Variants in PCNT observed in about 807,000 individuals in gnomAD.
The protein encoded by PCNT is kendrin.
Under a neutral mutation model 380.4 loss-of-function variants are expected in PCNT, and 319 were observed. The observed-to-expected ratio is 0.84, with a 90% confidence interval of 0.77 to 0.92. The LOEUF (loss-of-function observed/expected upper bound fraction) is 0.92. Ranked by LOEUF, PCNT falls within the 40% of genes least tolerant of loss-of-function variation. The probability of loss-of-function intolerance (pLI) is 0.00; values close to 1 mark genes in which losing one functional copy is unlikely to be tolerated. For missense variants in PCNT, 4,400 were observed against 4,255.3 expected (o/e 1.03, Z -0.95); for synonymous variants, 1,845 against 1,735.2 (o/e 1.06, Z -1.57).
At position 46,366,743 on chromosome 21, in the gene PCNT, C is replaced by T. The variant is rs936231247; in HGVS notation, c.2769C>T (p.His923=). 4.3e-6 allele frequency: 7 copies of T among 1,613,602 alleles called. No homozygotes were observed. Among genetic ancestry groups the T allele is most frequent in the Non-Finnish European group, 5.1e-6 (6 of 1,180,044 alleles). The change falls in exon 15 of 47, where the codon CAC becomes CAT. Residue 923 remains histidine (H), a synonymous_variant. Transcript: ENST00000359568. ...TGACGGCGGAGCTCGAGGCCAGACA[C>T]CAGGCCGCGTTGGGCGAGCTGACAG... ...LSVTAELEAR[H]QAALGELTAS... is the part of the protein sequence containing the mutation.
intron 8 of PCNT, among the ~76,000 whole-genome samples, chr21:46,350,164 G>A (rs1326926107): frequency 2.0e-5 from 3 of 152,088 alleles, no homozygotes; most frequent in East Asian, 1.9e-4. Flanking sequence ...GGGCAACAGC[G>A]AGCCTCCGTC....
intron 2 of PCNT, among the ~76,000 whole-genome samples, chr21:46,329,971 G>T (rs138727356): frequency 1.3e-5 from 2 of 152,256 alleles, no homozygotes; most frequent in African/African-American, 4.8e-5. Context: ...CATCAGCAGA[G>T]ACATACCTCC....
chr21:46,365,587 GATCACTGCCATGGCCTTCTA>G, intron 14 of PCNT, among the ~76,000 whole-genome samples: 1 of 134,038 alleles, frequency 7.5e-6, no homozygotes, highest in Non-Finnish European at 1.6e-5. Flanking sequence ...ATGGGGTTCT[GATCACTGCCATGGCCTTCTA>G]TTCACTGCCG....
chr21:46,368,402 C>A (rs942592838), intron 15 of PCNT, among the ~76,000 whole-genome samples: 2 of 151,434 alleles, frequency 1.3e-5, no homozygotes, highest in African/African-American at 4.9e-5. Context: ...GATCCGAGAT[C>A]GCACCAGTGC....
intron 15 of PCNT, among the ~76,000 whole-genome samples, chr21:46,378,836 G>A (rs1046967462): frequency 2.0e-5 from 3 of 152,152 alleles, no homozygotes; most frequent in Non-Finnish European, 2.9e-5. Flanking sequence ...TCCCTCGTCT[G>A]CCCTTTGTGC....
chr21:46,410,649 A>G (rs1223706166), intron 27 of PCNT, among the ~76,000 whole-genome samples: 2 of 152,196 alleles, frequency 1.3e-5, no homozygotes, highest in Non-Finnish European at 2.9e-5. Flanking sequence ...ATTATGTTTC[A>G]TGGCACAAGT....
At position 46,334,371 on chromosome 21, in the gene PCNT, CTTCT is replaced by C. The variant is rs766016618; in HGVS notation, c.268-21_268-18del. The stretch of plus-strand genomic sequence containing the variant: ...GCAGCCCTAGACCTTGCTTTAAATG[CTTCT>C]TTCTGGTCCTCCCCTTCTTAGCCGG... On this transcript the variant is annotated intron_variant, in intron 2 of 46. Coordinates refer to ENST00000359568, the MANE Select transcript of PCNT (RefSeq NM_006031.6). 1.5e-5 allele frequency: 24 copies of C among 1,613,988 alleles called. No homozygotes were observed. The African/African-American group carries it at 2.7e-4, about 18-fold the overall frequency.
chr21:46,432,108 T>G lies in PCNT; in HGVS notation c.8644T>G (p.Leu2882Val). The G allele has an allele frequency of 1.2e-6, 2 of 1,613,876 alleles. No homozygotes were observed. The highest frequency in any genetic ancestry group is 1.7e-6 in the Non-Finnish European group (2 of 1,180,008). Residue 2882 changes from leucine (L) to valine (V), a missense_variant, in exon 38 of 47, where the codon TTG becomes GTG. Coordinates refer to ENST00000359568, the MANE Select transcript of PCNT (RefSeq NM_006031.6). ...AGAATTAGAGCAGTCACACCCACGGTTGAAAGAGCAAGAAGGACGCAAGGC... is the reference window on the plus strand; with the variant it reads ...AGAATTAGAGCAGTCACACCCACGGGTGAAAGAGCAAGAAGGACGCAAGGC... ...QAELEQSHPR[L>V]KEQEGRKAAR...
At position 46,445,506 on chromosome 21, in the gene PCNT, G is replaced by A. The variant is rs1043813292; in HGVS notation, c.*179G>A. ...TTATGCATGACTGCAAAGCCAGCTG[G>A]AGCATTTTCTATGGAGCCTCCGTAT... On this transcript the variant is annotated 3_prime_UTR_variant, in exon 47 of 47. Transcript: ENST00000359568. 1.6e-4 allele frequency: 103 copies of A among 653,532 alleles called. No individual in the cohort carries two copies. Among genetic ancestry groups the A allele is most frequent in the Non-Finnish European group, 2.3e-4 (82 of 361,608 alleles). The allele number at this position is 653,532 out of a possible 1,614,324, so 40.5% of individuals were successfully genotyped here.
chr21:46,390,290 G>C (rs1226757168), intron 19 of PCNT, among the ~76,000 whole-genome samples: 1 of 152,274 alleles, frequency 6.6e-6, no homozygotes, highest in African/African-American at 2.4e-5. Context: ...TCCAGCCTGG[G>C]TGCAGAGCAA....
chr21:46,327,207 C>T (rs960787651), intron 2 of PCNT, among the ~76,000 whole-genome samples: 1 of 151,450 alleles, frequency 6.6e-6, no homozygotes, highest in Non-Finnish European at 1.5e-5. Flanking sequence ...ACTACAGGCG[C>T]CCGCCACCAC....
intron 15 of PCNT, among the ~76,000 whole-genome samples, chr21:46,379,053 C>T (rs931227021): frequency 6.6e-6 from 1 of 152,200 alleles, no homozygotes; most frequent in African/African-American, 2.4e-5. Flanking sequence ...CGAAGGACTT[C>T]CTCTGGGATT....
chr21:46,434,790 A>C (rs1448212800), intron 38 of PCNT, among the ~76,000 whole-genome samples: 1 of 152,204 alleles, frequency 6.6e-6, no homozygotes, highest in South Asian at 2.1e-4. Context: ...ACGTGTGTGC[A>C]TGTTCACATG....
At position 46,411,686 on chromosome 21, in the gene PCNT, C is replaced by T. The variant is rs764625701; in HGVS notation, c.5613C>T (p.Ala1871=). 19 of 1,612,808 alleles carry T rather than the reference C, an allele frequency of 1.2e-5. No homozygotes were observed. The highest frequency in any genetic ancestry group is 5.0e-5 in the Admixed American group (3 of 60,008). Residue 1871 remains alanine, a synonymous_variant, in exon 28 of 47, where the codon GCC becomes GCT. Coordinates refer to ENST00000359568, the MANE Select transcript of PCNT (RefSeq NM_006031.6). The stretch of plus-strand genomic sequence containing the variant: ...TGAAAGCAAAGGAAGCGACGATTGC[C>T]GAGAGAAATTTAGAAATCGACGCTC... ...AALKAKEATI[A]ERNLEIDALN...
At chr21:46,335,671 T>G (rs370471284) in intron 3 of PCNT, among the ~76,000 whole-genome samples, 2 of 151,376 alleles carry the variant, frequency 1.3e-5, no homozygotes, top group African/African-American at 4.8e-5. Context: ...CAAGTTTGGT[T>G]GTTTTTTGGT....
chr21:46,431,939 G>A lies in PCNT; in HGVS notation c.8475G>A (p.Glu2825=), dbSNP rs946593672. Residue 2825 remains glutamate, a synonymous_variant, in exon 38 of 47, where the codon GAG becomes GAA. Coordinates refer to ENST00000359568, the MANE Select transcript of PCNT (RefSeq NM_006031.6). The part of the protein sequence containing the change: ...ALHSQQQLEA[E]AQKHCEALRR... ...ATTCTCAGCAGCAGCTTGAGGCTGA[G>A]GCTCAGAAGCACTGTGAGGCGCTCA... The A allele has an allele frequency of 6.2e-6, 10 of 1,613,938 alleles. No individual in the cohort carries two copies. The African/African-American group carries it at 1.2e-4, about 19-fold the overall frequency.
At position 46,388,880 on chromosome 21, in the gene PCNT, G is replaced by A. The variant is rs1352485956; in HGVS notation, c.3603G>A (p.Ser1201=). The change falls in exon 18 of 47, where the codon TCG becomes TCA. Residue 1201 remains serine, a synonymous_variant. Coordinates refer to ENST00000359568, the MANE Select transcript of PCNT (RefSeq NM_006031.6). This position sits in a 1 kb window ranked among gnomAD's most constrained non-coding sequence, Gnocchi z 4.2. ...ACGCGGGCGCAGGCCTGGCCCTGTC[G>A]ACAGGTGAGTGTGCCGGGACCAGCT... is the stretch of plus-strand genomic sequence containing the variant. ...LDDAGAGLAL[S]TAPALEETWS... The A allele has an allele frequency of 6.9e-6, 11 of 1,600,584 alleles. No homozygotes were observed. Among genetic ancestry groups the A allele is most frequent in the Non-Finnish European group, 7.6e-6 (9 of 1,177,966 alleles).
chr21:46,393,150 C>T (rs528486606), intron 21 of PCNT, among the ~76,000 whole-genome samples: 15 of 152,322 alleles, frequency 9.8e-5, no homozygotes, highest in Non-Finnish European at 1.8e-4. Context: ...CTGTTGCCCC[C>T]GCACTCTGTG....
intron 13 of PCNT, among the ~76,000 whole-genome samples, chr21:46,359,414 G>A (rs2084604152): frequency 7.1e-6 from 1 of 140,588 alleles, no homozygotes; most frequent in East Asian, 2.0e-4. Context: ...ACACATTTGT[G>A]ATTGTAATGT....
Sources: allele counts gnomAD v4.1 joint callset (sites outside exome capture counted in the v4.1 genomes callset), GRCh38; gene constraint gnomAD v4.1.1; non-coding constraint Gnocchi (gnomAD v3.1); transcripts MANE v1.5; gene names NCBI Gene and HGNC (gene_info 2026-07-23, HGNC 2026-07-21).